CRHBP: variants seen among roughly 807,000 people sequenced by gnomAD.
The protein encoded by CRHBP is corticotropin releasing hormone binding protein, also known as corticotropin-releasing hormone-binding protein.
In CRHBP, 19 loss-of-function variants were observed where a neutral mutation model predicts 34.9. The ratio of observed to expected loss-of-function variants is 0.55; its 90% CI spans 0.38 to 0.80. The LOEUF is 0.80. Among genes scored for constraint, CRHBP ranks in the 30% least tolerant of loss-of-function variants. CRHBP has a pLI of 0.00. For synonymous variants in CRHBP, 154 were observed against 153.4 expected (o/e 1.00, Z -0.03); for missense variants, 328 against 409.2 (o/e 0.80, Z 1.71).
rs748124272 is a variant in CRHBP, at chr5:76,955,858, T to A, written c.539T>A (p.Leu180His). Reference protein sequence around the residue: ...FTLTIKTDPNLFPCNVISQTP... With the variant: ...FTLTIKTDPNHFPCNVISQTP... Reference sequence around the variant, plus strand: ...TTAACCATAAAGACAGACCCCAACCTCTTTCGTAAGTGTTCTCAGTCAAAA... The same window carrying A: ...TTAACCATAAAGACAGACCCCAACCACTTTCGTAAGTGTTCTCAGTCAAAA... Residue 180 changes from leucine to histidine, a missense_variant, in exon 4 of 7, where the codon CTC (leucine) becomes CAC (histidine). By Grantham distance (99) the Leu-to-His change is moderately conservative. Coordinates refer to ENST00000274368, the MANE Select transcript of CRHBP (RefSeq NM_001882.4). The A allele has an allele frequency of 6.2e-7, 1 of 1,613,530 alleles. No homozygotes were observed. Among genetic ancestry groups the A allele is most frequent in the East Asian group, 2.2e-5 (1 of 44,896 alleles).
chr5:76,953,998 G>T, intron 2 of CRHBP, 31 bp from the exon 3 acceptor site: 2 of 1,591,382 alleles, frequency 1.3e-6, no homozygotes, highest in Non-Finnish European at 1.7e-6. Context: ...CTGCAGCCCG[G>T]GACTTATTGC....
chr5:76,954,312 G>C, intron 3 of CRHBP, 126 bp downstream of exon 3: 1 of 1,170,578 alleles, frequency 8.5e-7, no homozygotes, highest in Non-Finnish European at 1.2e-6. Flanking sequence ...TAGACACTTC[G>C]CTGGTGCCCG....
intron 3 of CRHBP, 50 bp from the exon 4 acceptor site, chr5:76,955,603 T>C: frequency 1.3e-6 from 2 of 1,556,862 alleles, no homozygotes; most frequent in South Asian, 1.1e-5. Flanking sequence ...CATTTCAGAC[T>C]TCAGGAGTTG....
chr5:76,961,689 T>G (rs965016887), intron 5 of CRHBP, among the ~76,000 whole-genome samples: 2 of 152,156 alleles, frequency 1.3e-5, no homozygotes, highest in African/African-American at 4.8e-5. Context: ...ATTATGTTAT[T>G]TTCCAATTTG....
At chr5:76,974,106 C>A (rs769717554), downstream of CRHBP, among the ~76,000 whole-genome samples, 4 of 152,080 alleles carry the variant, frequency 2.6e-5, no homozygotes, top group Non-Finnish European at 4.4e-5. Flanking sequence ...GATTCTATTG[C>A]CTCAGCCTCC....
chr5:76,966,532 G>A (rs946710488), intron 6 of CRHBP, among the ~76,000 whole-genome samples: 2 of 152,088 alleles, frequency 1.3e-5, no homozygotes, highest in South Asian at 2.1e-4. Flanking sequence ...GGGGAGATGC[G>A]GTTTTTCCTT....
At chr5:76,956,007 G>A (rs958891711) in intron 4 of CRHBP, 144 bp downstream of exon 4, 6 of 661,972 alleles carry the variant, frequency 9.1e-6, no homozygotes, top group Non-Finnish European at 1.0e-5. Flanking sequence ...CTAAAGGATA[G>A]TTTCTATTCT....
intron 4 of CRHBP, among the ~76,000 whole-genome samples, chr5:76,958,400 A>AC (rs1580092210): frequency 6.6e-6 from 1 of 152,222 alleles, no homozygotes; most frequent in East Asian, 1.9e-4. Flanking sequence ...TTTAAGCTGG[A>AC]CTCTAGTTAA....
At chr5:76,969,477 T>G (rs1273162369), downstream of CRHBP, 2 of 152,618 alleles carry the variant, frequency 1.3e-5, no homozygotes, top group Non-Finnish European at 1.5e-5. Flanking sequence ...CACCATGATG[T>G]TGGGCTTTAT....
At position 76,969,042 on chromosome 5, in the gene CRHBP, C is replaced by A. The variant is rs1745906009; in HGVS notation, c.*157C>A. On this transcript the variant is annotated 3_prime_UTR_variant, in exon 7 of 7. Coordinates refer to ENST00000274368, the MANE Select transcript of CRHBP (RefSeq NM_001882.4). ...ACACACACACACACATACACACACG[C>A]ATTAATTTTTGTACTTTGCTTCTTT... 1 of 695,612 alleles carries A rather than the reference C, an allele frequency of 1.4e-6. No individual in the cohort carries two copies. The highest frequency in any genetic ancestry group is 2.2e-6 in the Non-Finnish European group (1 of 458,154). 43.1% of individuals were successfully genotyped at this position (695,612 alleles called of 1,614,324 possible). A position where few individuals can be genotyped will look rare whatever the true frequency, so the allele number is the denominator to read the frequency against.
chr5:76,957,907 C>A (rs1481678083), intron 4 of CRHBP, among the ~76,000 whole-genome samples: 2 of 152,004 alleles, frequency 1.3e-5, no homozygotes, highest in African/African-American at 4.8e-5. Flanking sequence ...CTCCTGTAAT[C>A]CTACACTTTG....
At position 76,955,762 on chromosome 5, in the gene CRHBP, G is replaced by A; in HGVS notation, c.443G>A (p.Arg148Lys). 1 of 1,614,190 alleles carries A rather than the reference G, an allele frequency of 6.2e-7. No individual in the cohort carries two copies. The highest frequency in any genetic ancestry group is 1.1e-5 in the South Asian group (1 of 91,086). ...TTCTGTGAGAGTGGTCTTAGCAGGA[G>A]GAGCATCAGATCTTCCCAGAATGTG... ...IDFCESGLSR[R>K]SIRSSQNVAM... is the part of the protein sequence containing the mutation. The change falls in exon 4 of 7, where the codon AGG becomes AAG. Residue 148 changes from arginine (R) to lysine (K), a missense_variant. Arg to Lys is a conservative substitution (Grantham distance 26, BLOSUM62 2). Around this residue, in one of 3 missense-constraint regions of CRHBP, gnomAD observed 173 missense variants for 172.2 expected, o/e 1.00. Coordinates refer to ENST00000274368, the MANE Select transcript of CRHBP (RefSeq NM_001882.4).
intron 3 of CRHBP, among the ~76,000 whole-genome samples, chr5:76,977,821 T>A (rs535715455): frequency 1.4e-4 from 21 of 152,330 alleles, no homozygotes; most frequent in Admixed American, 1.4e-3. Flanking sequence ...CAAGAGAGGC[T>A]AAAAGCTAAG....
intron 5 of CRHBP, 142 bp from the exon 6 acceptor site, chr5:76,963,201 C>T: frequency 1.7e-6 from 1 of 586,186 alleles, no homozygotes; most frequent in Non-Finnish European, 3.0e-6. Flanking sequence ...TTTTAATTTC[C>T]AGAGTCCCAG....
chr5:76,975,279 C>T (rs1055175155), intron 2 of CRHBP, among the ~76,000 whole-genome samples: 1 of 152,140 alleles, frequency 6.6e-6, no homozygotes, highest in African/African-American at 2.4e-5. Flanking sequence ...CTGAAATGCC[C>T]ACCCTTACAA....
Position 76,953,941 on chromosome 5 carries a change from G to A in CRHBP, c.176-88G>A, listed in dbSNP as rs1009301765. On this transcript the variant is annotated intron_variant, in intron 2 of 6. Coordinates refer to ENST00000274368, the MANE Select transcript of CRHBP (RefSeq NM_001882.4). ...GGGCGCTGGGCACTACAGAGCCCGG[G>A]AATGGGGCGCGCGGAGAGCGGCCGC... is the stretch of plus-strand genomic sequence containing the variant. 6.1e-6 allele frequency: 9 copies of A among 1,487,506 alleles called. No individual in the cohort carries two copies. The African/African-American group carries it at 1.3e-4, about 21-fold the overall frequency. 92.1% of individuals were successfully genotyped at this position (1,487,506 alleles called of 1,614,324 possible). A position where few individuals can be genotyped will look rare whatever the true frequency, so the allele number is the denominator to read the frequency against.
At position 76,980,373 on chromosome 5, in the gene CRHBP, T is replaced by C. The variant is rs73764611; in HGVS notation, n.468-588T>C. On this transcript the variant is annotated intron_variant and non_coding_transcript_variant, in intron 3 of 3. Transcript: ENST00000514258. ...ACTCTGCTAGAGACTGTGGCTGGAA[T>C]AGAGTGTGAAGCACCGCTCTCAGGG... Among the ~76,000 whole-genome samples, 657 of 152,118 alleles carry C rather than the reference T, an allele frequency of 4.3e-3. 6 individuals are homozygous for C. Among genetic ancestry groups the C allele is most frequent in the African/African-American group, 0.015 (626 of 41,512 alleles).
chr5:76,957,820 GCTGT>G (rs1206141673), intron 4 of CRHBP, among the ~76,000 whole-genome samples: 1 of 152,098 alleles, frequency 6.6e-6, no homozygotes, highest in Non-Finnish European at 1.5e-5. Flanking sequence ...ACTTAATACT[GCTGT>G]CTTTCATTTT....
chr5:76,968,862 G>T lies in CRHBP; in HGVS notation c.946G>T (p.Glu316Ter). The T allele has an allele frequency of 6.2e-7, 1 of 1,613,794 alleles. No individual in the cohort carries two copies. The highest frequency in any genetic ancestry group is 1.3e-5 in the African/African-American group (1 of 75,046). ...LENPNGNSIG[E>*]FCLSGL The stretch of plus-strand genomic sequence containing the variant: ...AAACCCAAATGGAAACAGTATCGGG[G>T]AATTCTGTTTGTCTGGTCTTTGAAT... The change falls in exon 7 of 7, where the codon GAA becomes TAA. Residue 316 changes from glutamate (E) to a stop codon, truncating the protein, a stop_gained. Coordinates refer to ENST00000274368, the MANE Select transcript of CRHBP (RefSeq NM_001882.4). LOFTEE classifies it high-confidence loss of function.
Sources: gnomAD v4.1 joint callset for allele counts (sites outside exome capture counted in the v4.1 genomes callset) on GRCh38, gnomAD v4.1.1 for gene constraint, gnomAD v4.1.1 regional missense constraint, MANE v1.5 for transcripts, NCBI Gene and HGNC (gene_info 2026-07-23, HGNC 2026-07-21) for gene names.